Variants in OSBPL3 observed in about 807,000 individuals in gnomAD.
OSBPL3 encodes the protein oxysterol-binding protein-related protein 3.
OSBPL3 carries 65 observed loss-of-function variants against 120.1 expected under a neutral mutation model. That is an observed-to-expected ratio of 0.54 (90% confidence interval 0.44 to 0.67). The LOEUF (loss-of-function observed/expected upper bound fraction) is 0.67, where lower values mean the gene tolerates loss of function less well. Ranked by LOEUF, OSBPL3 falls within the 30% of genes least tolerant of loss-of-function variation. OSBPL3 has a pLI of 0.00. For missense variants in OSBPL3, 1,004 were observed against 1,082.1 expected (o/e 0.93, Z 1.01); for synonymous variants, 416 against 402.6 (o/e 1.03, Z -0.40).
At chr7:24,948,135 A>G (rs1425243397) in intron 1 of OSBPL3, among the ~76,000 whole-genome samples, 1 of 152,240 alleles carries the variant, frequency 6.6e-6, no homozygotes, top group Non-Finnish European at 1.5e-5. Context: ...GCTACGGAAG[A>G]CAAAGCGAGA....
intron 16 of OSBPL3, among the ~76,000 whole-genome samples, chr7:24,825,786 T>C (rs528099125): frequency 6.6e-6 from 1 of 152,214 alleles, no homozygotes; most frequent in East Asian, 1.9e-4. Context: ...AGTCCTCCAA[T>C]AAATAACAGA....
intron 2 of OSBPL3, among the ~76,000 whole-genome samples, chr7:24,880,749 G>A (rs1803566768): frequency 6.6e-6 from 1 of 152,126 alleles, no homozygotes; most frequent in African/African-American, 2.4e-5. Flanking sequence ...CCAGGACCCA[G>A]GTCTTTTGAC....
In OSBPL3 at chr7:24,899,715, A is replaced by C. The variant is rs1308271910; in HGVS notation, c.-149-7094T>G. Among the ~76,000 whole-genome samples, 1 of 152,222 alleles carries C rather than the reference A, an allele frequency of 6.6e-6. No homozygotes were observed. Among genetic ancestry groups the C allele is most frequent in the African/African-American group, 2.4e-5 (1 of 41,440 alleles). Reference sequence around the variant, plus strand: ...TTTGTCTGTTAATTAGCATTTCTGCATACAAATGCATACAACCCACTATAA... The same window carrying C: ...TTTGTCTGTTAATTAGCATTTCTGCCTACAAATGCATACAACCCACTATAA... On this transcript the variant is annotated intron_variant, in intron 1 of 22. Transcript: ENST00000313367. The surrounding 1 kb of genome is among the most constrained non-coding windows in gnomAD (Gnocchi z 4.0).
chr7:24,876,492 A>G (rs1202776554), intron 2 of OSBPL3, among the ~76,000 whole-genome samples: 1 of 151,574 alleles, frequency 6.6e-6, no homozygotes, highest in Non-Finnish European at 1.5e-5. Context: ...TATCACAGTG[A>G]CCATCTTTTC....
chr7:24,851,734 A>G lies in OSBPL3; in HGVS notation c.1158+770T>C, dbSNP rs1371867221. On this transcript the variant is annotated intron_variant, in intron 11 of 22. Transcript: ENST00000313367. The surrounding 1 kb of genome is among the most constrained non-coding windows in gnomAD (Gnocchi z 4.1). ...TCTAGCCTCCTGATAGATTCAGGGT[A>G]AAAAAAAAAAAACGAGATAACTTTA... Among the ~76,000 whole-genome samples, 1 of 68,896 alleles carries G rather than the reference A, an allele frequency of 1.5e-5. No individual in the cohort carries two copies. The highest frequency in any genetic ancestry group is 3.5e-5 in the Non-Finnish European group (1 of 28,850). 45.2% of individuals were successfully genotyped at this position (68,896 alleles called of 152,430 possible).
rs904847786 is a variant in OSBPL3, at chr7:24,862,031, C to T, written c.871-262G>A. ...CCTCCCAAGTAGCTGGGACTACAGG[C>T]GCCCGCCACCACGCCCGGCTAATTT... On this transcript the variant is annotated intron_variant, in intron 9 of 22. Transcript: ENST00000313367. This position sits in a 1 kb window ranked among gnomAD's most constrained non-coding sequence, Gnocchi z 4.4. 2.6e-5 allele frequency among the ~76,000 whole-genome samples: 4 copies of T among 151,934 alleles called. No individual in the cohort carries two copies. Among genetic ancestry groups the T allele is most frequent in the East Asian group, 1.9e-4 (1 of 5,176 alleles).
At position 24,815,411 on chromosome 7, in the gene OSBPL3, G is replaced by A. The variant is rs924300861; in HGVS notation, c.2028-208C>T. On this transcript the variant is annotated intron_variant, in intron 18 of 22. Coordinates refer to ENST00000313367, the MANE Select transcript of OSBPL3 (RefSeq NM_015550.4). The surrounding 1 kb of genome is among the most constrained non-coding windows in gnomAD (Gnocchi z 5.1). The stretch of plus-strand genomic sequence containing the variant: ...GGCATGCATGCCACAGAGAATGACA[G>A]CATTCAGACTTTGCACTCTGGAAGC... Among the ~76,000 whole-genome samples the A allele has an allele frequency of 1.3e-5, 2 of 152,204 alleles. No individual in the cohort carries two copies. The highest frequency in any genetic ancestry group is 2.9e-5 in the Non-Finnish European group (2 of 68,036).
At position 24,899,124 on chromosome 7, in the gene OSBPL3, T is replaced by A. The variant is rs1020484182; in HGVS notation, c.-149-6503A>T. Reference sequence around the variant, plus strand: ...CATTGTCATCATCATCCATTTCTTATGGGACATGGATCAAGAGCCCTTGTG... The same window carrying A: ...CATTGTCATCATCATCCATTTCTTAAGGGACATGGATCAAGAGCCCTTGTG... On this transcript the variant is annotated intron_variant, in intron 1 of 22. Transcript: ENST00000313367. This position sits in a 1 kb window ranked among gnomAD's most constrained non-coding sequence, Gnocchi z 4.0. Among the ~76,000 whole-genome samples, 1 of 152,214 alleles carries A rather than the reference T, an allele frequency of 6.6e-6. No individual in the cohort carries two copies. Among genetic ancestry groups the A allele is most frequent in the African/African-American group, 2.4e-5 (1 of 41,458 alleles).
chr7:24,830,828 A>G lies in OSBPL3; in HGVS notation c.1824T>C (p.Val608=). ...YRAGSKPFNP[V]LGETYECIRE... The stretch of plus-strand genomic sequence containing the variant: ...GAATACATTCATATGTTTCTCCAAG[A>G]ACCGGATTAAATGGCTTGCTTCCAG... Residue 608 remains valine, a synonymous_variant, in exon 16 of 23, where the codon GTT becomes GTC. Coordinates refer to ENST00000313367, the MANE Select transcript of OSBPL3 (RefSeq NM_015550.4). This position sits in a 1 kb window ranked among gnomAD's most constrained non-coding sequence, Gnocchi z 4.4. The G allele has an allele frequency of 6.2e-7, 1 of 1,614,196 alleles. No individual in the cohort carries two copies. Among genetic ancestry groups the G allele is most frequent in the Middle Eastern group, 1.6e-4 (1 of 6,062 alleles).
chr7:24,918,058 G>T lies in OSBPL3; in HGVS notation c.-149-25437C>A. On this transcript the variant is annotated intron_variant, in intron 1 of 22. Transcript: ENST00000313367. The surrounding 1 kb of genome is among the most constrained non-coding windows in gnomAD (Gnocchi z 4.3). ...ACTAGCACTCTTACCTATAAAGGTT[G>T]GCTTATCCTCGACGCACATAATGAC... 1.0e-6 allele frequency: 1 copy of T among 984,406 alleles called. No individual in the cohort carries two copies. Among genetic ancestry groups the T allele is most frequent in the Non-Finnish European group, 1.2e-6 (1 of 829,044 alleles). 61.0% of individuals were successfully genotyped at this position (984,406 alleles called of 1,614,324 possible).
At position 24,855,537 on chromosome 7, in the gene OSBPL3, GT is replaced by G. The variant is rs1322978302; in HGVS notation, c.1028-2904del. Reference sequence around the variant, plus strand: ...GCTTCCTAAATCATCTGAAAAAAGGGTTTGGAAGACTAGATCCCTGTGTACT... The same window carrying G: ...GCTTCCTAAATCATCTGAAAAAAGGGTTGGAAGACTAGATCCCTGTGTACT... On this transcript the variant is annotated intron_variant, in intron 10 of 22. Transcript: ENST00000313367. This position sits in a 1 kb window ranked among gnomAD's most constrained non-coding sequence, Gnocchi z 4.3. 1.3e-5 allele frequency among the ~76,000 whole-genome samples: 2 copies of G among 152,246 alleles called. No homozygotes were observed. Among genetic ancestry groups the G allele is most frequent in the East Asian group, 3.9e-4 (2 of 5,178 alleles).
At chr7:24,908,915 G>C (rs1266897001) in intron 1 of OSBPL3, among the ~76,000 whole-genome samples, 2 of 152,184 alleles carry the variant, frequency 1.3e-5, no homozygotes, top group East Asian at 1.9e-4. Context: ...AAGATGGCAA[G>C]AGCCTGCTCC....
At position 24,822,989 on chromosome 7, in the gene OSBPL3, T is replaced by C. The variant is rs1403443279; in HGVS notation, c.1885-2751A>G. ...TGGTTTATTTGGCCCACATTGCTTT[T>C]AAGAGTTTTACAAAGCTTTCTGGGG... On this transcript the variant is annotated intron_variant, in intron 16 of 22. Coordinates refer to ENST00000313367, the MANE Select transcript of OSBPL3 (RefSeq NM_015550.4). This position sits in a 1 kb window ranked among gnomAD's most constrained non-coding sequence, Gnocchi z 5.8. Among the ~76,000 whole-genome samples the C allele has an allele frequency of 6.6e-6, 1 of 152,242 alleles. No individual in the cohort carries two copies. The highest frequency in any genetic ancestry group is 1.9e-4 in the East Asian group (1 of 5,204).
rs939689833 is a variant in OSBPL3 at position 24,877,992 on chromosome 7, G to C, written c.97-5923C>G. Reference sequence around the variant, plus strand: ...GGGGATGTGGCTTCTTAAGGTTTTTGCATGAGTTTCACTGAAGACAGTCTG... The same window carrying C: ...GGGGATGTGGCTTCTTAAGGTTTTTCCATGAGTTTCACTGAAGACAGTCTG... On this transcript the variant is annotated intron_variant, in intron 2 of 22. Coordinates refer to ENST00000313367, the MANE Select transcript of OSBPL3 (RefSeq NM_015550.4). The surrounding 1 kb of genome is among the most constrained non-coding windows in gnomAD (Gnocchi z 4.8). 1.3e-5 allele frequency among the ~76,000 whole-genome samples: 2 copies of C among 152,178 alleles called. No individual in the cohort carries two copies. The highest frequency in any genetic ancestry group is 2.4e-5 in the African/African-American group (1 of 41,438).
At chr7:24,874,738 A>G (rs1417130649) in intron 2 of OSBPL3, among the ~76,000 whole-genome samples, 1 of 152,194 alleles carries the variant, frequency 6.6e-6, no homozygotes, top group Non-Finnish European at 1.5e-5. Context: ...AGAACTTGAA[A>G]CTGTTACCAG....
At chr7:24,812,877 T>C (rs1007242292) in intron 19 of OSBPL3, among the ~76,000 whole-genome samples, 18 of 152,202 alleles carry the variant, frequency 1.2e-4, no homozygotes, top group African/African-American at 4.1e-4. Context: ...ACTCTTAAGT[T>C]GATTTATTTA....
chr7:24,836,641 T>C (rs1235675838), intron 14 of OSBPL3, among the ~76,000 whole-genome samples: 1 of 152,180 alleles, frequency 6.6e-6, no homozygotes, highest in Non-Finnish European at 1.5e-5. Context: ...ATATTATTTT[T>C]ATTTATATAT....
At chr7:24,948,861 G>T (rs1455083839) in intron 1 of OSBPL3, among the ~76,000 whole-genome samples, 1 of 152,186 alleles carries the variant, frequency 6.6e-6, no homozygotes, top group Non-Finnish European at 1.5e-5. Context: ...GTCATCACAG[G>T]AAATCAGTTG....
intron 1 of OSBPL3, among the ~76,000 whole-genome samples, chr7:24,979,368 TCCAGC>T (rs1184360263): frequency 6.6e-6 from 1 of 151,748 alleles, no homozygotes; most frequent in Admixed American, 6.5e-5. Flanking sequence ...GCCCTGGGCC[TCCAGC>T]CCAGCACCGG....
Sources: gnomAD v4.1 joint callset for allele counts (sites outside exome capture counted in the v4.1 genomes callset) on GRCh38, gnomAD v4.1.1 for gene constraint, Gnocchi (gnomAD v3.1) non-coding constraint, MANE v1.5 for transcripts, NCBI Gene and HGNC (gene_info 2026-07-23, HGNC 2026-07-21) for gene names.